The following ADAMTSL1 variants were observed in gnomAD, a reference collection of about 807,000 sequenced individuals.
ADAMTSL1 encodes the protein ADAMTS like 1.
ADAMTSL1 carries 126 observed loss-of-function variants against 201.8 expected under a neutral mutation model. The ratio of observed to expected loss-of-function variants is 0.62; its 90% CI spans 0.54 to 0.72. ADAMTSL1 has a LOEUF of 0.72. ADAMTSL1 is among the 30% of genes least tolerant of loss of function. ADAMTSL1 has a pLI of 0.00. For missense variants in ADAMTSL1, 2,679 were observed against 2,277.8 expected (o/e 1.18, Z -3.59); for synonymous variants, 1,121 against 903.4 (o/e 1.24, Z -4.32).
chr9:18,536,043 A>AT (rs1243725058), intron 3 of ADAMTSL1, among the ~76,000 whole-genome samples: 2 of 152,270 alleles, frequency 1.3e-5, no homozygotes, highest in African/African-American at 4.8e-5. Context: ...TTGATGCTGA[A>AT]TTTTTTTAAT....
At chr9:18,054,618 G>A (rs1345266398) in intron 1 of ADAMTSL1, among the ~76,000 whole-genome samples, 6 of 152,114 alleles carry the variant, frequency 3.9e-5, no homozygotes, top group Non-Finnish European at 7.3e-5. Flanking sequence ...GGCTAGTGAC[G>A]GTGTTATAAC....
At chr9:18,271,909 C>T in intron 2 of ADAMTSL1, among the ~76,000 whole-genome samples, 1 of 151,956 alleles carries the variant, frequency 6.6e-6, no homozygotes, top group Non-Finnish European at 1.5e-5. Context: ...TTTTGATTTG[C>T]ATTTCTCTGA....
chr9:18,274,129 G>A (rs910104172), intron 2 of ADAMTSL1, among the ~76,000 whole-genome samples: 13 of 152,232 alleles, frequency 8.5e-5, no homozygotes, highest in African/African-American at 3.1e-4. Context: ...TATTGCAAAA[G>A]CAAGAAGTGT....
rs1819068392 is a variant in ADAMTSL1 at position 17,989,605 on chromosome 9, G to A, written c.87+82683G>A. 3.3e-5 allele frequency among the ~76,000 whole-genome samples: 5 copies of A among 152,024 alleles called. No individual in the cohort carries two copies. The South Asian group carries it at 1.0e-3, about 31-fold the overall frequency. On this transcript the variant is annotated intron_variant, in intron 1 of 29. Coordinates refer to the ADAMTSL1 transcript ENST00000680146. ...TTAAAGCCTTTTTTGAAATAATTTT[G>A]CATTAGTGGACATTTCTACCACTAT...
chr9:18,478,183 C>G (rs568841875), intron 1 of ADAMTSL1, among the ~76,000 whole-genome samples: 2 of 152,164 alleles, frequency 1.3e-5, no homozygotes, highest in Admixed American at 1.3e-4. Flanking sequence ...AACAATATTA[C>G]AGTTAGGGTT....
chr9:18,653,256 A>G (rs1828409451), intron 7 of ADAMTSL1, among the ~76,000 whole-genome samples: 2 of 152,056 alleles, frequency 1.3e-5, no homozygotes, highest in South Asian at 4.2e-4. Context: ...CACCACCACA[A>G]TATTAAGTTC....
chr9:17,992,213 T>A (rs1288848701), intron 1 of ADAMTSL1, among the ~76,000 whole-genome samples: 2 of 151,802 alleles, frequency 1.3e-5, no homozygotes, highest in African/African-American at 4.8e-5. Flanking sequence ...TGTGGAGAGG[T>A]TGGGGGTAGG....
intron 17 of ADAMTSL1, among the ~76,000 whole-genome samples, chr9:18,772,468 A>T (rs571185449): frequency 2.0e-5 from 3 of 152,184 alleles, no homozygotes; most frequent in Non-Finnish European, 4.4e-5. Flanking sequence ...GGCCTTCAGA[A>T]CAGTATCATG....
intron 2 of ADAMTSL1, among the ~76,000 whole-genome samples, chr9:18,529,194 A>G (rs1443472940): frequency 1.3e-5 from 2 of 152,152 alleles, no homozygotes; most frequent in Admixed American, 6.5e-5. Context: ...TTCACATTGC[A>G]TTTTACTGAT....
intron 15 of ADAMTSL1, among the ~76,000 whole-genome samples, chr9:18,722,298 A>T (rs1410178691): frequency 6.6e-6 from 1 of 152,128 alleles, no homozygotes. Flanking sequence ...GTCTTGAGAA[A>T]CTTGCCTTCT....
chr9:18,316,008 G>T (rs1834377775), intron 2 of ADAMTSL1, among the ~76,000 whole-genome samples: 1 of 152,212 alleles, frequency 6.6e-6, no homozygotes, highest in Non-Finnish European at 1.5e-5. Context: ...ACAAAAGAGA[G>T]AAATTTTAAA....
chr9:18,158,353 T>A (rs1827244469), intron 1 of ADAMTSL1, among the ~76,000 whole-genome samples: 2 of 152,036 alleles, frequency 1.3e-5, no homozygotes, highest in African/African-American at 4.8e-5. Context: ...TTTTTTCTAA[T>A]CCTTTACAGT....
chr9:18,246,410 G>A (rs1312505082), intron 2 of ADAMTSL1, among the ~76,000 whole-genome samples: 2 of 152,052 alleles, frequency 1.3e-5, no homozygotes, highest in East Asian at 3.9e-4. Context: ...TTTAAAATAT[G>A]TTCATCTATT....
At chr9:18,826,643 G>C (rs1824589951) in intron 22 of ADAMTSL1, among the ~76,000 whole-genome samples, 180 bp downstream of exon 22, 1 of 152,180 alleles carries the variant, frequency 6.6e-6, no homozygotes, top group African/African-American at 2.4e-5. Flanking sequence ...CCAAACAAGA[G>C]CTTGAACCTT....
intron 2 of ADAMTSL1, among the ~76,000 whole-genome samples, chr9:18,524,965 G>C (rs544571802): frequency 6.6e-6 from 1 of 152,132 alleles, no homozygotes; most frequent in Non-Finnish European, 1.5e-5. Flanking sequence ...TAAAATGAGT[G>C]AGGGAGGATT....
chr9:18,189,884 T>G (rs1441943851), intron 2 of ADAMTSL1, among the ~76,000 whole-genome samples: 1 of 152,198 alleles, frequency 6.6e-6, no homozygotes, highest in African/African-American at 2.4e-5. Flanking sequence ...CATGTATTAT[T>G]CAATAAGTCA....
chr9:18,247,324 CATA>C (rs1341112789), intron 2 of ADAMTSL1, among the ~76,000 whole-genome samples: 1 of 152,016 alleles, frequency 6.6e-6, no homozygotes, highest in Non-Finnish European at 1.5e-5. Context: ...TAGTAGATAT[CATA>C]ATAACTTATA....
chr9:18,684,922 T>C, intron 13 of ADAMTSL1, 122 bp downstream of exon 13: 1 of 1,399,094 alleles, frequency 7.1e-7, no homozygotes, highest in Non-Finnish European at 9.3e-7. Flanking sequence ...CCAAAGCTTT[T>C]TGGCTCTCAA....
chr9:18,844,469 C>A (rs932551069), intron 23 of ADAMTSL1, among the ~76,000 whole-genome samples: 2 of 152,194 alleles, frequency 1.3e-5, no homozygotes, highest in East Asian at 1.9e-4. Context: ...CCCAGTTAGG[C>A]TGCTCGGGGG....
Sources: gnomAD v4.1 joint callset for allele counts (sites outside exome capture counted in the v4.1 genomes callset) on GRCh38, gnomAD v4.1.1 for gene constraint, MANE v1.5 for transcripts, NCBI Gene and HGNC (gene_info 2026-07-23, HGNC 2026-07-21) for gene names.